Variants in AP3B1 observed in about 807,000 individuals in gnomAD.
AP3B1 encodes AP-3 complex subunit beta-1.
AP3B1 carries 61 observed loss-of-function variants against 132.5 expected under a neutral mutation model. That is an observed-to-expected ratio of 0.46 (90% CI 0.37 to 0.57). The LOEUF is 0.57. AP3B1 is among the 20% of genes least tolerant of loss of function. AP3B1 has a pLI of 0.00. For missense variants in AP3B1, 1,120 were observed against 1,289.4 expected, an observed-to-expected ratio of 0.87 and a Z score of 2.01; for synonymous variants, 388 against 438.3, an observed-to-expected ratio of 0.89 and a Z score of 1.43.
intron 22 of AP3B1, among the ~76,000 whole-genome samples, chr5:78,082,352 C>G (rs908404914): frequency 5.9e-5 from 9 of 152,172 alleles, no homozygotes; most frequent in Non-Finnish European, 1.0e-4. Context: ...GGCCATTGGA[C>G]TAGATTTCAG....
intron 7 of AP3B1, among the ~76,000 whole-genome samples, chr5:78,199,620 A>G (rs1054026030): frequency 1.3e-5 from 2 of 152,156 alleles, no homozygotes; most frequent in African/African-American, 4.8e-5. Context: ...TGTTGAATTG[A>G]AACTGATGTT....
intron 1 of AP3B1, among the ~76,000 whole-genome samples, chr5:78,280,789 T>A (rs1749016216): frequency 1.3e-5 from 2 of 152,202 alleles, no homozygotes; most frequent in Admixed American, 1.3e-4. Flanking sequence ...ATATGCAATG[T>A]CTGCCTTTGT....
chr5:78,072,555 G>A (rs1339260441), intron 22 of AP3B1, among the ~76,000 whole-genome samples: 16 of 151,860 alleles, frequency 1.1e-4, no homozygotes, highest in Admixed American at 1.1e-3. Flanking sequence ...GAGGTGTAAA[G>A]CAGATTTTCC....
chr5:78,284,623 G>A (rs967179386), intron 1 of AP3B1, among the ~76,000 whole-genome samples: 3 of 151,958 alleles, frequency 2.0e-5, no homozygotes, highest in African/African-American at 7.2e-5. Context: ...AAAAACACAT[G>A]ATATACACAT....
chr5:78,120,590 C>A (rs1297433787), intron 17 of AP3B1, among the ~76,000 whole-genome samples: 7 of 151,990 alleles, frequency 4.6e-5, no homozygotes, highest in Non-Finnish European at 1.0e-4. Context: ...TCAAAAGAGA[C>A]AAAGAAGGCC....
rs372847987 is a variant in AP3B1 at position 78,100,977 on chromosome 5, C to T, written c.2446G>A (p.Val816Ile). 22 of 1,554,996 alleles carry T rather than the reference C, an allele frequency of 1.4e-5. No individual in the cohort carries two copies. The highest frequency in any genetic ancestry group is 3.4e-4 in the Middle Eastern group (2 of 5,898). ...CAATCATCCAGATCTAGAAGTGAAA[C>T]ATCTTTGGTAAGAGGAGTTCTATCT... ...KQDRTPLTKD[V>I]SLLDLDDFNP... The change falls in exon 21 of 27, where the codon GTT (valine) becomes ATT (isoleucine). Residue 816 changes from valine (V) to isoleucine (I), a missense_variant. Val to Ile is a conservative substitution (Grantham distance 29, BLOSUM62 3). This residue lies in a region of AP3B1 where 906 missense variants were observed against 997.1 expected (regional missense o/e 0.91). Transcript: ENST00000255194.
intron 3 of AP3B1, among the ~76,000 whole-genome samples, chr5:78,228,796 T>G (rs1163346242): frequency 6.6e-6 from 1 of 152,254 alleles, no homozygotes; most frequent in Non-Finnish European, 1.5e-5. Flanking sequence ...CTCTGATTTT[T>G]ATGGTAATAC....
chr5:78,166,506 A>T (rs1743635397), intron 11 of AP3B1, among the ~76,000 whole-genome samples: 1 of 152,164 alleles, frequency 6.6e-6, no homozygotes, highest in Non-Finnish European at 1.5e-5. Context: ...AGACATTTTA[A>T]TTCTCTCTTC....
chr5:78,040,510 A>G (rs912254722), intron 22 of AP3B1, among the ~76,000 whole-genome samples: 2 of 152,118 alleles, frequency 1.3e-5, no homozygotes, highest in Admixed American at 6.5e-5. Context: ...CTTCTATTGA[A>G]CATTAGACTC....
chr5:78,022,050 T>C (rs1011107519), intron 24 of AP3B1, among the ~76,000 whole-genome samples: 1 of 152,158 alleles, frequency 6.6e-6, no homozygotes, highest in Non-Finnish European at 1.5e-5. Context: ...ACAAATGACA[T>C]AATATAAAAA....
At chr5:78,084,552 G>GAA (rs1750155211) in intron 22 of AP3B1, among the ~76,000 whole-genome samples, 1 of 123,772 alleles carries the variant, frequency 8.1e-6, no homozygotes, top group African/African-American at 3.1e-5. Context: ...AAAAAGAAAA[G>GAA]AAGAGAAAAG....
chr5:78,070,409 G>GAAA (rs70997966), intron 22 of AP3B1, among the ~76,000 whole-genome samples: 2 of 131,372 alleles, frequency 1.5e-5, no homozygotes, highest in African/African-American at 2.8e-5. Context: ...TCCATCTCAA[G>GAAA]AAAAAAAAAA....
intron 7 of AP3B1, among the ~76,000 whole-genome samples, chr5:78,193,770 A>ATATTTTTT: frequency 1.0e-3 from 69 of 67,208 alleles, no homozygotes; most frequent in African/African-American, 3.3e-3. Context: ...ATATATATAT[A>ATATTTTTT]TTTTTTTTTT....
At chr5:78,065,481 CG>C (rs1044704028) in intron 22 of AP3B1, among the ~76,000 whole-genome samples, 2 of 152,122 alleles carry the variant, frequency 1.3e-5, no homozygotes, top group African/African-American at 4.8e-5. Context: ...CTGCCAGTGC[CG>C]GGGAGACTGG....
At chr5:78,071,451 C>T (rs1048739579) in intron 22 of AP3B1, among the ~76,000 whole-genome samples, 1 of 152,106 alleles carries the variant, frequency 6.6e-6, no homozygotes, top group Non-Finnish European at 1.5e-5. Context: ...ATAGCTAATG[C>T]ATGCTGGGCT....
At chr5:78,235,521 A>T (rs1746839798) in intron 3 of AP3B1, among the ~76,000 whole-genome samples, 1 of 152,218 alleles carries the variant, frequency 6.6e-6, no homozygotes, top group South Asian at 2.1e-4. Flanking sequence ...AATTTGTTCT[A>T]CTTCTGTTAT....
intron 7 of AP3B1, among the ~76,000 whole-genome samples, chr5:78,192,999 A>T (rs1744906852): frequency 6.6e-6 from 1 of 152,208 alleles, no homozygotes; most frequent in Admixed American, 6.5e-5. Flanking sequence ...AACAACTATG[A>T]TTAATATGTT....
At chr5:78,286,220 T>G (rs1176412803) in intron 1 of AP3B1, among the ~76,000 whole-genome samples, 1 of 152,168 alleles carries the variant, frequency 6.6e-6, no homozygotes, top group Non-Finnish European at 1.5e-5. Context: ...AAGAATAAAG[T>G]TGGGTGATGC....
In AP3B1 at chr5:78,294,199, G is replaced by A. The variant is rs143010023; in HGVS notation, c.128+253C>T. 1.6e-3 allele frequency among the ~76,000 whole-genome samples: 246 copies of A among 152,230 alleles called. 1 individual carries two copies. Among genetic ancestry groups the A allele is most frequent in the African/African-American group, 5.8e-3 (239 of 41,530 alleles). On this transcript the variant is annotated intron_variant, in intron 1 of 26. Transcript: ENST00000255194. ...CAGTGTCTTCAGGGGTGGGATCTAA[G>A]CTCACCAAGTGGTTTCCTTTTCACT...
Sources: allele counts gnomAD v4.1 joint callset (sites outside exome capture counted in the v4.1 genomes callset), GRCh38; gene constraint gnomAD v4.1.1; regional missense constraint gnomAD v4.1.1; transcripts MANE v1.5; gene names NCBI Gene and HGNC (gene_info 2026-07-23, HGNC 2026-07-21).